The following CFAP299 variants were observed in gnomAD, a reference collection of about 807,000 sequenced individuals.
The protein encoded by CFAP299 is cilia- and flagella-associated protein 299.
CFAP299 carries 21 observed loss-of-function variants against 27.0 expected under a neutral mutation model. That is an observed-to-expected ratio of 0.78 (90% CI 0.55 to 1.12). The LOEUF (loss-of-function observed/expected upper bound fraction) is 1.12, where lower values mean the gene tolerates loss of function less well. Among genes scored for constraint, CFAP299 ranks in the 50% most tolerant of loss-of-function variants. The pLI is 0.00. For synonymous variants in CFAP299, 104 were observed against 98.1 expected, an observed-to-expected ratio of 1.06 and a Z score of -0.36; for missense variants, 310 against 276.6, an observed-to-expected ratio of 1.12 and a Z score of -0.86.
Position 80,799,921 on chromosome 4 carries a change from T to TATA in CFAP299, c.334-70071_334-70069dup, listed in dbSNP as rs1728291690. ...ATATATTATAATATAATATATAATA[T>TATA]ATATATTTATATATTATATTATATA... On this transcript the variant is annotated intron_variant, in intron 3 of 5. Transcript: ENST00000358105. Among the ~76,000 whole-genome samples the TATA allele has an allele frequency of 2.6e-4, 12 of 45,368 alleles. 1 individual carries two copies. The highest frequency in any genetic ancestry group is 1.2e-3 in the African/African-American group (12 of 10,404). 29.8% of individuals were successfully genotyped at this position (45,368 alleles called of 152,430 possible). A position where few individuals can be genotyped will look rare whatever the true frequency, so the allele number is the denominator to read the frequency against.
At chr4:80,799,810 AATAT>A (rs1223365090) in intron 3 of CFAP299, among the ~76,000 whole-genome samples, 1 of 26,034 alleles carries the variant, frequency 3.8e-5, no homozygotes, top group Non-Finnish European at 5.1e-5. Context: ...ATAATATATA[AATAT>A]ATATATTATA....
chr4:80,407,332 G>A, intron 2 of CFAP299, among the ~76,000 whole-genome samples: 1 of 152,174 alleles, frequency 6.6e-6, no homozygotes, highest in East Asian at 1.9e-4. Context: ...ACAAGTGTAT[G>A]GGTTGGCTGG....
At chr4:80,825,383 A>G (rs944578204) in intron 3 of CFAP299, among the ~76,000 whole-genome samples, 4 of 151,882 alleles carry the variant, frequency 2.6e-5, no homozygotes, top group African/African-American at 7.3e-5. Context: ...CTCAAGTTTG[A>G]TGAAAGACAT....
chr4:80,343,757 C>T (rs1320905801), intron 1 of CFAP299, among the ~76,000 whole-genome samples: 1 of 145,086 alleles, frequency 6.9e-6, no homozygotes, highest in Non-Finnish European at 1.5e-5. Flanking sequence ...CCACTGCAGT[C>T]CGCAGTCCGG....
At chr4:80,786,056 A>T (rs1727229507) in intron 3 of CFAP299, among the ~76,000 whole-genome samples, 1 of 152,136 alleles carries the variant, frequency 6.6e-6, no homozygotes, top group South Asian at 2.1e-4. Context: ...ATTTTCTAGA[A>T]ATCTTGCAAT....
chr4:80,909,758 A>G (rs954017437), intron 4 of CFAP299, among the ~76,000 whole-genome samples: 3 of 152,210 alleles, frequency 2.0e-5, no homozygotes, highest in Admixed American at 6.5e-5. Flanking sequence ...TAAATAAAAT[A>G]TATGATTTTA....
intron 2 of CFAP299, among the ~76,000 whole-genome samples, chr4:80,570,327 G>A (rs1020515500): frequency 6.6e-6 from 1 of 151,812 alleles, no homozygotes; most frequent in African/African-American, 2.4e-5. Context: ...ACTCCAATAA[G>A]AGCAAAAATA....
chr4:80,665,344 T>C (rs1044222587), intron 3 of CFAP299, among the ~76,000 whole-genome samples: 4 of 152,212 alleles, frequency 2.6e-5, no homozygotes, highest in Admixed American at 2.6e-4. Flanking sequence ...TATTTTGGGC[T>C]GTTGATGATA....
At chr4:80,346,533 T>G (rs1046673081) in intron 1 of CFAP299, among the ~76,000 whole-genome samples, 7 of 152,202 alleles carry the variant, frequency 4.6e-5, no homozygotes, top group African/African-American at 1.7e-4. Flanking sequence ...AAATAGGGAA[T>G]CCTTTCCCCA....
intron 2 of CFAP299, among the ~76,000 whole-genome samples, chr4:80,450,672 A>G (rs1728857020): frequency 6.6e-6 from 1 of 151,900 alleles, no homozygotes; most frequent in Non-Finnish European, 1.5e-5. Flanking sequence ...GTATTTCTGA[A>G]TATTTGAGAT....
chr4:80,576,868 A>T (rs1735891772), intron 2 of CFAP299, among the ~76,000 whole-genome samples: 1 of 152,196 alleles, frequency 6.6e-6, no homozygotes, highest in Non-Finnish European at 1.5e-5. Context: ...TTTGGCTTAA[A>T]AAAATTAAAT....
chr4:80,322,142 C>G, the CFAP299 span, among the ~76,000 whole-genome samples: 1 of 152,284 alleles, frequency 6.6e-6, no homozygotes, highest in Non-Finnish European at 1.5e-5. Context: ...CCAGTAAGCC[C>G]TCGGTTCTGT....
At chr4:80,673,083 T>C (rs1741594710) in intron 3 of CFAP299, among the ~76,000 whole-genome samples, 1 of 152,176 alleles carries the variant, frequency 6.6e-6, no homozygotes, top group Non-Finnish European at 1.5e-5. Flanking sequence ...GCTTCTCTAG[T>C]TCTTTTAATT....
At chr4:80,467,007 AG>A (rs1360303043) in intron 2 of CFAP299, among the ~76,000 whole-genome samples, 2 of 152,182 alleles carry the variant, frequency 1.3e-5, no homozygotes, top group Admixed American at 6.5e-5. Flanking sequence ...AAAATTCAAT[AG>A]TTTAGCTGAA....
intron 3 of CFAP299, among the ~76,000 whole-genome samples, chr4:80,693,669 T>C (rs928101804): frequency 3.3e-5 from 5 of 151,184 alleles, no homozygotes; most frequent in Non-Finnish European, 7.4e-5. Flanking sequence ...TGTGCACATG[T>C]ACCCTAAAAC....
chr4:80,885,783 A>T (rs935931096), intron 4 of CFAP299, among the ~76,000 whole-genome samples: 1 of 152,208 alleles, frequency 6.6e-6, no homozygotes, highest in Non-Finnish European at 1.5e-5. Flanking sequence ...GACCCAACAC[A>T]TTCCCAGCTG....
intron 2 of CFAP299, among the ~76,000 whole-genome samples, chr4:80,487,580 C>T (rs1402224016): frequency 2.0e-5 from 3 of 152,094 alleles, no homozygotes; most frequent in African/African-American, 7.2e-5. Context: ...TTTAGCTAAG[C>T]ATTTTGGTTA....
intron 2 of CFAP299, among the ~76,000 whole-genome samples, chr4:80,526,582 T>C (rs995136878): frequency 6.6e-6 from 1 of 152,150 alleles, no homozygotes; most frequent in Admixed American, 6.5e-5. Flanking sequence ...TTTATATCTG[T>C]ACAACCCTAC....
intron 3 of CFAP299, among the ~76,000 whole-genome samples, chr4:80,835,859 C>T (rs1446206102): frequency 6.6e-6 from 1 of 152,140 alleles, no homozygotes; most frequent in Non-Finnish European, 1.5e-5. Flanking sequence ...TAATTCCTTT[C>T]AAAATAAACT....
Sources: allele counts gnomAD v4.1 joint callset (sites outside exome capture counted in the v4.1 genomes callset), GRCh38; gene constraint gnomAD v4.1.1; transcripts MANE v1.5; gene names NCBI Gene and HGNC (gene_info 2026-07-23, HGNC 2026-07-21).